Variants in MYO16 observed in about 807,000 individuals in gnomAD.
MYO16 encodes the protein unconventional myosin-XVI.
Under a neutral mutation model 205.3 loss-of-function variants are expected in MYO16, and 94 were observed. The observed-to-expected ratio is 0.46, with a 90% confidence interval of 0.39 to 0.54. The LOEUF is 0.54. MYO16 is among the 20% of genes least tolerant of loss of function. The pLI is 0.00. For missense variants in MYO16, 2,315 were observed against 2,387.5 expected, an observed-to-expected ratio of 0.97 and a Z score of 0.63; for synonymous variants, 988 against 954.0, an observed-to-expected ratio of 1.04 and a Z score of -0.66.
chr13:109,005,908 AG>A (rs1225825688), intron 21 of MYO16, among the ~76,000 whole-genome samples: 3 of 152,178 alleles, frequency 2.0e-5, no homozygotes, highest in Non-Finnish European at 4.4e-5. Context: ...TGGATTTTTG[AG>A]AAAATGTCCT....
chr13:108,542,705 A>G, the MYO16 span, among the ~76,000 whole-genome samples: 2 of 152,276 alleles, frequency 1.3e-5, no homozygotes, highest in East Asian at 1.9e-4. Context: ...AGGATTTTCC[A>G]TAATAACAGA....
intron 16 of MYO16, among the ~76,000 whole-genome samples, chr13:108,916,964 G>T (rs1304544927): frequency 6.6e-6 from 1 of 152,016 alleles, no homozygotes; most frequent in Non-Finnish European, 1.5e-5. Context: ...AAAGAAAAAG[G>T]GGGAGTGTTG....
intron 9 of MYO16, among the ~76,000 whole-genome samples, chr13:108,834,024 T>A (rs1031252747): frequency 3.9e-5 from 6 of 152,232 alleles, no homozygotes; most frequent in African/African-American, 1.4e-4. Context: ...TTGAATAAAA[T>A]TTGGAAAGTG....
chr13:108,914,759 C>T (rs767833295), intron 16 of MYO16, among the ~76,000 whole-genome samples: 3 of 152,082 alleles, frequency 2.0e-5, no homozygotes, highest in South Asian at 2.1e-4. Context: ...TCTCCTGTAT[C>T]GGCCTCCTGA....
chr13:108,639,124 A>G (rs916870058), intron 1 of MYO16, among the ~76,000 whole-genome samples: 1 of 152,212 alleles, frequency 6.6e-6, no homozygotes, highest in Non-Finnish European at 1.5e-5. Flanking sequence ...TGATGTGATC[A>G]GCTTTGCATT....
intron 32 of MYO16, among the ~76,000 whole-genome samples, chr13:109,148,894 G>C (rs976133867): frequency 4.6e-5 from 7 of 152,174 alleles, no homozygotes; most frequent in Non-Finnish European, 1.0e-4. Flanking sequence ...CAGAAGTCAG[G>C]GTAATAGACA....
rs1887397920 is a variant in MYO16, at chr13:109,055,763, C to A, written c.3335+168C>A. 1 of 606,760 alleles carries A rather than the reference C, an allele frequency of 1.6e-6. No homozygotes were observed. The highest frequency in any genetic ancestry group is 2.9e-6 in the Non-Finnish European group (1 of 347,154). The allele number at this position is 606,760 out of a possible 1,614,324, so 37.6% of individuals were successfully genotyped here. The stretch of plus-strand genomic sequence containing the variant: ...AAATATTCTGGGAAACAATGAAATA[C>A]ACTGACAAAGCTCACATAAAAAATA... On this transcript the variant is annotated intron_variant, in intron 27 of 34. Coordinates refer to ENST00000457511, the MANE Select transcript of MYO16 (RefSeq NM_001198950.3). The surrounding 1 kb of genome is among the most constrained non-coding windows in gnomAD (Gnocchi z 5.0).
chr13:109,037,671 C>CAGAG (rs138767330), intron 23 of MYO16, among the ~76,000 whole-genome samples: 200 of 151,058 alleles, frequency 1.3e-3, no homozygotes, highest in Middle Eastern at 3.4e-3. Flanking sequence ...GAGAGACACA[C>CAGAG]AGAGAGAGAG....
chr13:108,954,394 C>A (rs1883268642), intron 16 of MYO16, among the ~76,000 whole-genome samples: 1 of 152,086 alleles, frequency 6.6e-6, no homozygotes, highest in African/African-American at 2.4e-5. Context: ...GCATAGAAAC[C>A]TGCTGCGAGG....
the MYO16 span, among the ~76,000 whole-genome samples, chr13:108,565,454 CT>C: frequency 6.6e-6 from 1 of 151,956 alleles, no homozygotes; most frequent in Non-Finnish European, 1.5e-5. Flanking sequence ...AATGGGATTA[CT>C]TTTTTATTTC....
At chr13:108,612,520 T>G (rs1879212948) in intron 1 of MYO16, among the ~76,000 whole-genome samples, 2 of 145,760 alleles carry the variant, frequency 1.4e-5, no homozygotes, top group South Asian at 4.5e-4. Context: ...ATTTAACATT[T>G]AACATGTGCC....
chr13:108,673,471 T>G (rs1882078706), intron 2 of MYO16, among the ~76,000 whole-genome samples: 1 of 152,088 alleles, frequency 6.6e-6, no homozygotes, highest in African/African-American at 2.4e-5. Context: ...TGTAAGCATA[T>G]TTACAGAACT....
intron 27 of MYO16, among the ~76,000 whole-genome samples, chr13:109,078,950 G>A (rs889214405): frequency 6.6e-6 from 1 of 152,106 alleles, no homozygotes; most frequent in African/African-American, 2.4e-5. Context: ...CTATTCATAT[G>A]CACGTACTGA....
Position 108,666,024 on chromosome 13 carries a change from G to A in MYO16, c.167G>A (p.Arg56His), listed in dbSNP as rs1260492120. 8 of 1,613,994 alleles carry A rather than the reference G, an allele frequency of 5.0e-6. No individual in the cohort carries two copies. The highest frequency in any genetic ancestry group is 4.5e-5 in the East Asian group (2 of 44,890). The part of the protein sequence containing the change: ...RCEQIKAYYE[R>H]EKAFQKQEGF... The stretch of plus-strand genomic sequence containing the variant: ...GAGCAAATCAAAGCCTACTATGAGC[G>A]CGAGAAGGCTTTTCAGAAGCAGGAA... The change falls in exon 2 of 35, where the codon CGC becomes CAC. Residue 56 changes from arginine to histidine, a missense_variant. Arg to His is a conservative substitution (Grantham distance 29). Coordinates refer to ENST00000457511, the MANE Select transcript of MYO16 (RefSeq NM_001198950.3).
At position 109,165,030 on chromosome 13, in the gene MYO16, C is replaced by G. The variant is rs770186958; in HGVS notation, c.5294C>G (p.Thr1765Ser). Residue 1765 changes from threonine (T) to serine (S), a missense_variant, in exon 33 of 35, where the codon ACT becomes AGT. By Grantham distance (58) the Thr-to-Ser change is moderately conservative (BLOSUM62 1). Around this residue, in one of 3 missense-constraint regions of MYO16, gnomAD observed 1,097 missense variants for 1,092.0 expected, o/e 1.00. Coordinates refer to ENST00000457511, the MANE Select transcript of MYO16 (RefSeq NM_001198950.3). ...TCTAATTCACTATCTAGTGCTATAA[C>G]TGCTGAAAATGGAAATTCCATCTCA... ...QLSNSLSSAI[T>S]AENGNSISNG... The G allele has an allele frequency of 6.3e-7, 1 of 1,595,224 alleles. No individual in the cohort carries two copies. The highest frequency in any genetic ancestry group is 8.5e-7 in the Non-Finnish European group (1 of 1,173,330).
At chr13:108,823,361 G>C (rs1427033325) in intron 9 of MYO16, 83 bp downstream of exon 9, 2 of 1,304,078 alleles carry the variant, frequency 1.5e-6, no homozygotes, top group African/African-American at 3.0e-5. Flanking sequence ...CTGACTCTCA[G>C]CCAAAGAGTT....
At chr13:109,007,726 C>T (rs1318256423) in intron 21 of MYO16, among the ~76,000 whole-genome samples, 1 of 150,870 alleles carries the variant, frequency 6.6e-6, no homozygotes, top group Non-Finnish European at 1.5e-5. Context: ...TAAGAAATAA[C>T]ATATTTGTTT....
intron 20 of MYO16, among the ~76,000 whole-genome samples, chr13:108,991,105 G>A (rs1291126306): frequency 6.6e-6 from 1 of 152,178 alleles, no homozygotes; most frequent in Non-Finnish European, 1.5e-5. Flanking sequence ...TCAATGATGT[G>A]GAAGAGGTGG....
chr13:108,702,077 G>A (rs577416346), intron 2 of MYO16, among the ~76,000 whole-genome samples: 1 of 152,116 alleles, frequency 6.6e-6, no homozygotes, highest in Non-Finnish European at 1.5e-5. Context: ...ACCACCAAGT[G>A]TACCAATGTA....
Sources: allele counts gnomAD v4.1 joint callset (sites outside exome capture counted in the v4.1 genomes callset), GRCh38; gene constraint gnomAD v4.1.1; regional missense constraint gnomAD v4.1.1; non-coding constraint Gnocchi (gnomAD v3.1); transcripts MANE v1.5; gene names NCBI Gene and HGNC (gene_info 2026-07-23, HGNC 2026-07-21).